KAZN: variants seen among roughly 807,000 people sequenced by gnomAD.
The protein encoded by KAZN is kazrin.
In KAZN, 40 loss-of-function variants were observed where a neutral mutation model predicts 87.4. That is an observed-to-expected ratio of 0.46 (90% CI 0.36 to 0.60). The LOEUF (loss-of-function observed/expected upper bound fraction) is 0.60. Ranked by LOEUF, KAZN falls within the 20% of genes least tolerant of loss-of-function variation. KAZN has a pLI of 0.00. For missense variants in KAZN, 898 were observed against 1,073.9 expected, an observed-to-expected ratio of 0.84 and a Z score of 2.29; for synonymous variants, 466 against 458.3, an observed-to-expected ratio of 1.02 and a Z score of -0.22.
intron 2 of KAZN, among the ~76,000 whole-genome samples, chr1:14,337,623 C>T (rs1373218312): frequency 1.3e-5 from 2 of 152,126 alleles, no homozygotes; most frequent in East Asian, 1.9e-4. Context: ...TGGCTGGGTG[C>T]GGTGGCTCAC....
At position 14,100,013 on chromosome 1, in the gene KAZN, G is replaced by C. The variant is rs145257244; in HGVS notation, c.92-80422G>C. ...TATTATTTGGAGATGGATCTGAAAG[G>C]CAATAAAGTACTGGAGAATGGCCAT... is the stretch of plus-strand genomic sequence containing the variant. On this transcript the variant is annotated intron_variant, in intron 1 of 16. Coordinates refer to the KAZN transcript ENST00000636203. Among the ~76,000 whole-genome samples, 947 of 152,028 alleles carry C rather than the reference G, an allele frequency of 6.2e-3. 12 individuals carry two copies. Among genetic ancestry groups the C allele is most frequent in the African/African-American group, 0.022 (907 of 41,436 alleles).
At chr1:14,542,300 G>T (rs1396457687) in intron 2 of KAZN, among the ~76,000 whole-genome samples, 22 of 136,528 alleles carry the variant, frequency 1.6e-4, no homozygotes, top group Middle Eastern at 3.7e-3. Context: ...GTTGTGGGGT[G>T]GGGGGAGGGG....
intron 1 of KAZN, among the ~76,000 whole-genome samples, chr1:14,829,477 G>A (rs1054148061): frequency 2.0e-5 from 3 of 152,202 alleles, no homozygotes; most frequent in Non-Finnish European, 4.4e-5. Context: ...GGCTGAGGCA[G>A]GAGGATCTCT....
intron 1 of KAZN, among the ~76,000 whole-genome samples, chr1:13,964,460 G>A (rs72639096): frequency 0.056 from 8,575 of 152,250 alleles, 480 homozygotes; most frequent in East Asian, 0.29. Flanking sequence ...CTGTGAGTCC[G>A]CAATAGGCTG....
At chr1:14,486,692 A>G (rs1669367252) in intron 2 of KAZN, among the ~76,000 whole-genome samples, 1 of 152,228 alleles carries the variant, frequency 6.6e-6, no homozygotes. Flanking sequence ...TCAATTTTTA[A>G]CTAGGTAATA....
At chr1:14,105,479 C>A (rs1411510243) in intron 1 of KAZN, among the ~76,000 whole-genome samples, 1 of 152,184 alleles carries the variant, frequency 6.6e-6, no homozygotes, top group African/African-American at 2.4e-5. Context: ...ATTACTGAGC[C>A]TTGCCTTGTC....
chr1:13,911,953 G>A (rs1272239665), intron 1 of KAZN, among the ~76,000 whole-genome samples: 6 of 152,134 alleles, frequency 3.9e-5, no homozygotes, highest in African/African-American at 7.2e-5. Flanking sequence ...ATTTATTGAT[G>A]TGTTATTTTG....
chr1:15,114,594 C>G lies in KAZN; in HGVS notation c.2287C>G (p.Arg763Gly), dbSNP rs12048768. ...CCCCCAGAGCAGGCTGGAACAGTGCCGTCTGGAAGGCTACAACAGCCTGGA... is the reference window on the plus strand; with the variant it reads ...CCCCCAGAGCAGGCTGGAACAGTGCGGTCTGGAAGGCTACAACAGCCTGGA... The part of the protein sequence containing the change: ...DDPQSRLEQC[R>G]LEGYNSLEVT... Residue 763 changes from arginine to glycine, a missense_variant, in exon 15 of 15, where the codon CGT becomes GGT. Around this residue, in one of 3 missense-constraint regions of KAZN, gnomAD observed 127 missense variants for 121.5 expected, o/e 1.04. Coordinates refer to ENST00000376030, the MANE Select transcript of KAZN (RefSeq NM_201628.3). 2 of 1,599,956 alleles carry G rather than the reference C, an allele frequency of 1.3e-6. No homozygotes were observed. The highest frequency in any genetic ancestry group is 1.7e-6 in the Non-Finnish European group (2 of 1,173,168).
intron 1 of KAZN, among the ~76,000 whole-genome samples, chr1:13,906,753 G>A (rs1201483698): frequency 2.0e-5 from 3 of 152,178 alleles, no homozygotes; most frequent in South Asian, 4.1e-4. Flanking sequence ...TGCCAACTGG[G>A]TGTGGCCAAA....
chr1:15,023,748 G>A (rs761177532), intron 2 of KAZN, among the ~76,000 whole-genome samples: 5 of 150,794 alleles, frequency 3.3e-5, no homozygotes, highest in East Asian at 3.9e-4. Flanking sequence ...GGAGACTACC[G>A]TGTGACCCAG....
rs528371456 is a variant in KAZN at position 14,988,816 on chromosome 1, AC to A, written c.418+27944del. ...GTCGGGTCATGGAGAGGAGAGGGGC[AC>A]CCAGCAAAAACCAGCTGCAGGCCAC... On this transcript the variant is annotated intron_variant, in intron 2 of 14. Coordinates refer to ENST00000376030, the MANE Select transcript of KAZN (RefSeq NM_201628.3). 2.8e-3 allele frequency among the ~76,000 whole-genome samples: 428 copies of A among 152,160 alleles called. 1 individual carries two copies. The highest frequency in any genetic ancestry group is 5.2e-3 in the Non-Finnish European group (351 of 67,986).
intron 1 of KAZN, among the ~76,000 whole-genome samples, chr1:14,805,952 A>ATGTGCAGTAAGGG (rs1646205309): frequency 1.3e-5 from 2 of 152,162 alleles, no homozygotes; most frequent in African/African-American, 4.8e-5. Flanking sequence ...TTAAAGAACA[A>ATGTGCAGTAAGGG]CTAGCCTTAA....
intron 2 of KAZN, among the ~76,000 whole-genome samples, chr1:14,258,232 T>G (rs1358269393): frequency 6.7e-6 from 1 of 149,616 alleles, no homozygotes; most frequent in Non-Finnish European, 1.5e-5. Context: ...TTTTTTTTTT[T>G]TGAGACAGAG....
Position 14,317,613 on chromosome 1 carries a change from C to T in KAZN, c.249+137021C>T, listed in dbSNP as rs979641769. Reference sequence around the variant, plus strand: ...ATCTGTTTTTTTCCCTTTTTTTCTCCCTTCTTTCAGAATATTTGAGTATTT... The same window carrying T: ...ATCTGTTTTTTTCCCTTTTTTTCTCTCTTCTTTCAGAATATTTGAGTATTT... On this transcript the variant is annotated intron_variant, in intron 2 of 16. Coordinates refer to the KAZN transcript ENST00000636203. Among the ~76,000 whole-genome samples the T allele has an allele frequency of 7.3e-5, 11 of 151,462 alleles. No individual in the cohort carries two copies. In the East Asian group the frequency reaches 2.1e-3, roughly 29 times the overall value.
intron 2 of KAZN, among the ~76,000 whole-genome samples, chr1:14,433,472 G>A (rs908868409): frequency 6.6e-6 from 1 of 152,202 alleles, no homozygotes; most frequent in Non-Finnish European, 1.5e-5. Context: ...AGCCCTGTGT[G>A]ATGGTATTAG....
chr1:15,114,845 A>G lies in KAZN; in HGVS notation c.*210A>G, dbSNP rs1330986987. Reference sequence around the variant, plus strand: ...CCCACCTGTCTTGGGTGGGCCATGGACTTTCCTGTTCAGCTGGAGATGGGC... The same window carrying G: ...CCCACCTGTCTTGGGTGGGCCATGGGCTTTCCTGTTCAGCTGGAGATGGGC... On this transcript the variant is annotated 3_prime_UTR_variant, in exon 15 of 15. Transcript: ENST00000376030. 2.2e-5 allele frequency: 11 copies of G among 498,726 alleles called. No individual in the cohort carries two copies. Among genetic ancestry groups the G allele is most frequent in the South Asian group, 2.2e-4 (7 of 31,748 alleles). The allele number at this position is 498,726 out of a possible 1,614,324, so 30.9% of individuals were successfully genotyped here.
At chr1:14,325,619 A>C (rs1030599493) in intron 2 of KAZN, among the ~76,000 whole-genome samples, 1 of 152,232 alleles carries the variant, frequency 6.6e-6, no homozygotes, top group African/African-American at 2.4e-5. Context: ...ACAAATCTAC[A>C]TATTTAAGAA....
chr1:14,636,951 A>G (rs77048522), intron 1 of KAZN, among the ~76,000 whole-genome samples: 1,967 of 152,302 alleles, frequency 0.013, 30 homozygotes, highest in South Asian at 0.041. Context: ...AAGTTCAGAC[A>G]TGTCACAGCC....
intron 1 of KAZN, among the ~76,000 whole-genome samples, chr1:14,707,168 G>A (rs1392947989): frequency 6.6e-6 from 1 of 152,196 alleles, no homozygotes; most frequent in Admixed American, 6.5e-5. Context: ...ACAACTGAGG[G>A]TGCAAACTAT....
Sources: allele counts gnomAD v4.1 joint callset (sites outside exome capture counted in the v4.1 genomes callset), GRCh38; gene constraint gnomAD v4.1.1; regional missense constraint gnomAD v4.1.1; transcripts MANE v1.5; gene names NCBI Gene and HGNC (gene_info 2026-07-23, HGNC 2026-07-21).